The following ANO10 variants were observed in gnomAD, a reference collection of about 807,000 sequenced individuals.
ANO10 encodes the protein anoctamin-10.
A neutral mutation model predicts 74.7 loss-of-function variants in ANO10; 77 were observed. The ratio of observed to expected loss-of-function variants is 1.03; its 90% confidence interval spans 0.86 to 1.25. ANO10 has a LOEUF of 1.25. Among genes scored for constraint, ANO10 ranks in the 50% most tolerant of loss-of-function variants. The pLI, the probability that ANO10 is intolerant of heterozygous loss-of-function variation, is 0.00. For missense variants in ANO10, 721 were observed against 778.1 expected (o/e 0.93, Z 0.87); for synonymous variants, 279 against 284.9 (o/e 0.98, Z 0.21).
At chr3:43,410,395 A>C (rs1275047666) in intron 12 of ANO10, among the ~76,000 whole-genome samples, 1 of 152,122 alleles carries the variant, frequency 6.6e-6, no homozygotes, top group Non-Finnish European at 1.5e-5. Context: ...CTGGGACTAT[A>C]GGTACGCCCT....
intron 12 of ANO10, among the ~76,000 whole-genome samples, chr3:43,405,099 T>C (rs950947752): frequency 5.3e-5 from 8 of 152,244 alleles, no homozygotes; most frequent in South Asian, 2.1e-4. Context: ...GTAATTTTCA[T>C]TGGCAAGTTG....
At chr3:43,583,988 T>C (rs1020347598) in intron 4 of ANO10, among the ~76,000 whole-genome samples, 6 of 152,188 alleles carry the variant, frequency 3.9e-5, no homozygotes, top group Non-Finnish European at 5.9e-5. Flanking sequence ...CCTTAGGATA[T>C]GGTTAAAATG....
chr3:43,614,664 C>T (rs2082995185), intron 1 of ANO10, among the ~76,000 whole-genome samples: 1 of 150,832 alleles, frequency 6.6e-6, no homozygotes, highest in Non-Finnish European at 1.5e-5. Context: ...TATCACATTT[C>T]CAGAAAGCAG....
chr3:43,459,482 T>A (rs533252818), intron 11 of ANO10, among the ~76,000 whole-genome samples: 1 of 152,136 alleles, frequency 6.6e-6, no homozygotes, highest in South Asian at 2.1e-4. Context: ...GTTTCAGAGG[T>A]CTCACAGAAA....
chr3:43,679,469 C>T (rs994050609), intron 1 of ANO10, among the ~76,000 whole-genome samples: 1 of 152,204 alleles, frequency 6.6e-6, no homozygotes, highest in Non-Finnish European at 1.5e-5. Context: ...GAGCCCACCA[C>T]AGCTCAAGGA....
At position 43,600,562 on chromosome 3, in the gene ANO10, T is replaced by C. The variant is rs533186096; in HGVS notation, c.159A>G (p.Arg53=). The C allele has an allele frequency of 3.9e-4, 632 of 1,612,430 alleles. 9 individuals are homozygous for C. The South Asian group carries it at 6.6e-3, about 17-fold the overall frequency. The part of the protein sequence containing the change: ...KKDGGAQLLF[R]PLLNKYEQET... ...CTTGTTCATATTTATTTAACAATGG[T>C]CTAAACAACAACTGGGCACCTTCAA... is the stretch of plus-strand genomic sequence containing the variant. Residue 53 remains arginine (R), a synonymous_variant, in exon 3 of 13, where the codon AGA becomes AGG. Coordinates refer to ENST00000292246, the MANE Select transcript of ANO10 (RefSeq NM_018075.5).
intron 11 of ANO10, among the ~76,000 whole-genome samples, chr3:43,494,297 T>C (rs2010778): frequency 0.22 from 33,801 of 151,890 alleles, 4,289 homozygotes; most frequent in Middle Eastern, 0.37. Flanking sequence ...GTACTACAAA[T>C]ACAACATTGG....
chr3:43,657,369 T>C (rs2083869658), intron 1 of ANO10, among the ~76,000 whole-genome samples: 1 of 152,206 alleles, frequency 6.6e-6, no homozygotes, highest in South Asian at 2.1e-4. Context: ...TGATCCCAAA[T>C]GGAGGTCATG....
At chr3:43,506,325 A>G (rs1017346878) in intron 11 of ANO10, among the ~76,000 whole-genome samples, 1 of 152,016 alleles carries the variant, frequency 6.6e-6, no homozygotes, top group East Asian at 1.9e-4. Flanking sequence ...GCACAACCCA[A>G]CCACTTTGGC....
At chr3:43,535,722 T>C (rs1342774015) in intron 11 of ANO10, among the ~76,000 whole-genome samples, 3 of 152,186 alleles carry the variant, frequency 2.0e-5, no homozygotes, top group Non-Finnish European at 4.4e-5. Flanking sequence ...ACAGTAAATT[T>C]TAGTAACACA....
chr3:43,595,723 A>G (rs1559757781), intron 4 of ANO10, among the ~76,000 whole-genome samples: 1 of 152,174 alleles, frequency 6.6e-6, no homozygotes, highest in Non-Finnish European at 1.5e-5. Context: ...GCCCTCTCTC[A>G]CTGCTCCTAT....
At chr3:43,404,523 G>A (rs1347428379) in intron 12 of ANO10, among the ~76,000 whole-genome samples, 1 of 152,104 alleles carries the variant, frequency 6.6e-6, no homozygotes, top group Non-Finnish European at 1.5e-5. Context: ...CAGAAACTGC[G>A]AAATAACAAA....
At chr3:43,617,497 A>T (rs1323664064) in intron 1 of ANO10, among the ~76,000 whole-genome samples, 3 of 152,130 alleles carry the variant, frequency 2.0e-5, no homozygotes, top group Non-Finnish European at 4.4e-5. Context: ...AGGGTCAAAG[A>T]GAGACCTACA....
intron 1 of ANO10, among the ~76,000 whole-genome samples, chr3:43,677,027 T>C (rs1054706261): frequency 9.2e-5 from 14 of 152,108 alleles, no homozygotes; most frequent in African/African-American, 3.1e-4. Flanking sequence ...ATCAAAAAGA[T>C]ACAGGCACTA....
intron 12 of ANO10, among the ~76,000 whole-genome samples, chr3:43,387,553 G>C (rs1179658942): frequency 6.6e-6 from 1 of 152,168 alleles, no homozygotes; most frequent in Admixed American, 6.5e-5. Context: ...GTAGACATGA[G>C]ATCCCCTTTC....
At chr3:43,606,648 A>G (rs910743131) in intron 1 of ANO10, among the ~76,000 whole-genome samples, 1 of 128,616 alleles carries the variant, frequency 7.8e-6, no homozygotes, top group East Asian at 2.0e-4. Flanking sequence ...TATAACTACT[A>G]AAAAAAAAAA....
In ANO10 at chr3:43,484,994, T is replaced by G. The variant is rs2076413867; in HGVS notation, c.1798-52267A>C. 6.2e-6 allele frequency: 9 copies of G among 1,449,362 alleles called. No individual in the cohort carries two copies. The South Asian group carries it at 8.5e-5, about 14-fold the overall frequency. The allele number at this position is 1,449,362 out of a possible 1,614,324, so 89.8% of individuals were successfully genotyped here. On this transcript the variant is annotated intron_variant, in intron 11 of 12. Coordinates refer to ENST00000292246, the MANE Select transcript of ANO10 (RefSeq NM_018075.5). ...CACCTAGAAGAAGGTGTTGGGCCTC[T>G]TGGTGGTGAGGCGTGGCTTGTGCTG...
In ANO10 at chr3:43,658,498, C is replaced by A. The variant is rs964493104; in HGVS notation, c.-12+33019G>T. Among the ~76,000 whole-genome samples, 18 of 151,844 alleles carry A rather than the reference C, an allele frequency of 1.2e-4. No individual in the cohort carries two copies. The East Asian group carries it at 3.5e-3, about 29-fold the overall frequency. ...TTATTATTATTTTTTGAGATGGAGT[C>A]TCGCACTGTTGCCCGGGCTGGAGTG... On this transcript the variant is annotated intron_variant, in intron 1 of 3. Coordinates refer to the ANO10 transcript ENST00000413397.
intron 12 of ANO10, among the ~76,000 whole-genome samples, chr3:43,381,457 T>A (rs575475217): frequency 5.0e-4 from 76 of 151,690 alleles, no homozygotes; most frequent in African/African-American, 1.8e-3. Flanking sequence ...ACAACAACAG[T>A]TAAAAAGGAC....
Sources: gnomAD v4.1 joint callset for allele counts (sites outside exome capture counted in the v4.1 genomes callset) on GRCh38, gnomAD v4.1.1 for gene constraint, MANE v1.5 for transcripts, NCBI Gene and HGNC (gene_info 2026-07-23, HGNC 2026-07-21) for gene names.